Variants in LCOR observed in about 807,000 individuals in gnomAD.
LCOR encodes ligand-dependent corepressor.
Under a neutral mutation model 64.4 loss-of-function variants are expected in LCOR, and 14 were observed. The observed-to-expected ratio is 0.22, with a 90% CI of 0.14 to 0.34. The LOEUF (loss-of-function observed/expected upper bound fraction) is 0.34, where lower values mean the gene tolerates loss of function less well. LCOR is among the 10% of genes least tolerant of loss of function. The pLI, the probability that LCOR is intolerant of heterozygous loss-of-function variation, is 1.00. For missense variants in LCOR, 1,686 were observed against 1,765.3 expected (o/e 0.96, Z 0.80); for synonymous variants, 643 against 642.5 (o/e 1.00, Z -0.01).
At chr10:96,840,099 T>TCAG (rs1268834749) in intron 2 of LCOR, among the ~76,000 whole-genome samples, 2 of 152,212 alleles carry the variant, frequency 1.3e-5, no homozygotes, top group Non-Finnish European at 2.9e-5. Flanking sequence ...TTACAAAGTG[T>TCAG]CAGGTATAAT....
At chr10:96,832,788 C>T (rs1387795299) in intron 1 of LCOR, among the ~76,000 whole-genome samples, 2 of 150,756 alleles carry the variant, frequency 1.3e-5, no homozygotes, top group South Asian at 2.1e-4. Context: ...CGCGGCGCTG[C>T]CGCTGTACTG....
At chr10:96,885,442 C>T (rs574819448) in intron 2 of LCOR, among the ~76,000 whole-genome samples, 102 of 151,998 alleles carry the variant, frequency 6.7e-4, no homozygotes, top group African/African-American at 2.4e-3. Context: ...AGTGCAGTGG[C>T]ATGATCACGG....
chr10:96,946,350 A>G (rs993769525), intron 5 of LCOR, among the ~76,000 whole-genome samples: 4 of 152,080 alleles, frequency 2.6e-5, no homozygotes, highest in African/African-American at 9.7e-5. Context: ...AGGATTATGT[A>G]TAGTTAAGTA....
At chr10:96,833,212 C>G in intron 1 of LCOR, 194 bp from the exon 2 acceptor site, 1 of 983,772 alleles carries the variant, frequency 1.0e-6, no homozygotes, top group Non-Finnish European at 1.2e-6. Context: ...CTCTCGTCCC[C>G]TCCCGGGGAT....
chr10:96,864,521 C>T lies in LCOR; in HGVS notation c.-330+31042C>T, dbSNP rs186789198. The stretch of plus-strand genomic sequence containing the variant: ...GTGCAAAGCAGACTCTGTTCCTGCT[C>T]GCATGGCACTTAGAATATAATGGGA... On this transcript the variant is annotated intron_variant, in intron 2 of 7. Transcript: ENST00000421806. 2.4e-4 allele frequency among the ~76,000 whole-genome samples: 37 copies of T among 152,198 alleles called. 1 individual carries two copies. In the South Asian group the frequency reaches 5.6e-3, roughly 23 times the overall value.
intron 2 of LCOR, among the ~76,000 whole-genome samples, chr10:96,875,252 C>T (rs910095380): frequency 1.3e-5 from 2 of 151,898 alleles, no homozygotes; most frequent in African/African-American, 4.8e-5. Context: ...AGCGTGGTGG[C>T]AGGTGCCTGT....
chr10:96,920,425 T>C (rs1473331986), intron 4 of LCOR, among the ~76,000 whole-genome samples: 2 of 1,732 alleles, frequency 1.2e-3, no homozygotes, highest in Non-Finnish European at 0.019. Context: ...TATATATTCA[T>C]ATATATGTGT....
intron 2 of LCOR, among the ~76,000 whole-genome samples, chr10:96,837,971 A>G (rs1233445233): frequency 1.3e-5 from 2 of 152,230 alleles, no homozygotes; most frequent in Non-Finnish European, 2.9e-5. Flanking sequence ...GTTACTTTTC[A>G]TAGTTTCAAA....
At chr10:96,915,745 G>A in intron 4 of LCOR, 1 of 646,644 alleles carries the variant, frequency 1.5e-6, no homozygotes, top group South Asian at 1.4e-5. Flanking sequence ...TTTTCCCTTT[G>A]GGTACCTTCT....
intron 2 of LCOR, among the ~76,000 whole-genome samples, chr10:96,837,183 G>T (rs962911407): frequency 1.3e-5 from 2 of 152,012 alleles, no homozygotes; most frequent in Admixed American, 6.6e-5. Flanking sequence ...GTAGAGACGG[G>T]GTTTCACCGT....
chr10:96,957,822 T>C (rs535552072), intron 7 of LCOR: 1 of 985,684 alleles, frequency 1.0e-6, no homozygotes, highest in South Asian at 4.7e-5. Context: ...TTCCTCTTGT[T>C]TTGGTTATTT....
At chr10:96,842,669 C>G (rs1433851542) in intron 2 of LCOR, among the ~76,000 whole-genome samples, 1 of 145,892 alleles carries the variant, frequency 6.9e-6, no homozygotes, top group Non-Finnish European at 1.5e-5. Flanking sequence ...CTGGCTCCGT[C>G]ACCCAGGCTG....
chr10:96,974,846 T>C (rs560278704), intron 7 of LCOR, among the ~76,000 whole-genome samples: 1 of 152,360 alleles, frequency 6.6e-6, no homozygotes, highest in South Asian at 2.1e-4. Flanking sequence ...TTTAAAATAT[T>C]CAAATGATAA....
intron 4 of LCOR, among the ~76,000 whole-genome samples, chr10:96,933,928 T>C (rs1274722888): frequency 1.3e-5 from 2 of 152,234 alleles, no homozygotes; most frequent in Admixed American, 1.3e-4. Flanking sequence ...TACTTCTGAC[T>C]CAACAATTTA....
rs565902205 is a variant in LCOR, at chr10:96,957,912, G to A, written c.332+5716G>A. ...ACTTCTTAACAGAAAAAACAGTTTGGGTTCAATAGCATTTTATGATTCTAC... is the reference window on the plus strand; with the variant it reads ...ACTTCTTAACAGAAAAAACAGTTTGAGTTCAATAGCATTTTATGATTCTAC... On this transcript the variant is annotated intron_variant, in intron 7 of 7. Coordinates refer to ENST00000421806, the MANE Select transcript of LCOR (RefSeq NM_001346516.2). The A allele has an allele frequency of 7.1e-6, 7 of 986,222 alleles. No homozygotes were observed. In the South Asian group the frequency reaches 2.8e-4, roughly 40 times the overall value. The allele number at this position is 986,222 out of a possible 1,614,324, so 61.1% of individuals were successfully genotyped here.
chr10:96,863,009 T>C (rs1845913103), intron 2 of LCOR, among the ~76,000 whole-genome samples: 2 of 150,814 alleles, frequency 1.3e-5, no homozygotes, highest in South Asian at 4.2e-4. Context: ...GCCTCCCAGG[T>C]AGCTGGGATT....
chr10:96,954,861 A>G lies in LCOR; in HGVS notation c.332+2665A>G, dbSNP rs1317156700. 2.3e-5 allele frequency: 21 copies of G among 909,110 alleles called. No homozygotes were observed. The South Asian group carries it at 3.6e-4, about 15-fold the overall frequency. The allele number at this position is 909,110 out of a possible 1,614,324, so 56.3% of individuals were successfully genotyped here. On this transcript the variant is annotated intron_variant, in intron 7 of 7. Transcript: ENST00000421806. ...AAATAACACAAAGTGATGTTACCCA[A>G]GCAAGGCCTTCTAATAAAGGAGTGG... is the stretch of plus-strand genomic sequence containing the variant.
chr10:96,911,460 A>G (rs1020575146), intron 4 of LCOR, among the ~76,000 whole-genome samples: 2 of 152,166 alleles, frequency 1.3e-5, no homozygotes, highest in Admixed American at 6.5e-5. Flanking sequence ...TTTTATAAAT[A>G]AAGAAAAGGA....
intron 2 of LCOR, among the ~76,000 whole-genome samples, chr10:96,837,610 A>G (rs376314905): frequency 2.0e-5 from 3 of 152,176 alleles, no homozygotes; most frequent in East Asian, 3.8e-4. Context: ...CCACAAGAGT[A>G]TTATCTTCTA....
Sources: allele counts gnomAD v4.1 joint callset (sites outside exome capture counted in the v4.1 genomes callset), GRCh38; gene constraint gnomAD v4.1.1; transcripts MANE v1.5; gene names NCBI Gene and HGNC (gene_info 2026-07-23, HGNC 2026-07-21).